Variants in ZNF695 observed in about 807,000 individuals in gnomAD.
The protein encoded by ZNF695 is zinc finger protein SBZF3.
A neutral mutation model predicts 11.2 loss-of-function variants in ZNF695; 11 were observed. That is an observed-to-expected ratio of 0.98 (90% confidence interval 0.62 to 1.62). The LOEUF (loss-of-function observed/expected upper bound fraction) is 1.62. Among genes scored for constraint, ZNF695 ranks in the 40% most tolerant of loss-of-function variants. ZNF695 has a pLI of 0.00. For missense variants in ZNF695, 559 were observed against 590.5 expected, an observed-to-expected ratio of 0.95 and a Z score of 0.55; for synonymous variants, 190 against 201.4, an observed-to-expected ratio of 0.94 and a Z score of 0.48.
intron 4 of ZNF695, among the ~76,000 whole-genome samples, chr1:246,973,619 G>A (rs1264306097): frequency 6.6e-6 from 1 of 152,152 alleles, no homozygotes; most frequent in Non-Finnish European, 1.5e-5. Context: ...ATGAGAGAAG[G>A]ATGATACTCT....
chr1:246,979,550 T>A (rs558277897), intron 4 of ZNF695, among the ~76,000 whole-genome samples: 2 of 152,122 alleles, frequency 1.3e-5, no homozygotes, highest in African/African-American at 4.8e-5. Context: ...GCCTTGAAAA[T>A]TATCTTTTAA....
rs540680025 is a variant in ZNF695, at chr1:246,946,312, CTT to C, written c.489-487_489-486del. Among the ~76,000 whole-genome samples the C allele has an allele frequency of 5.8e-3, 889 of 152,306 alleles. 7 individuals carry two copies. The highest frequency in any genetic ancestry group is 0.017 in the Middle Eastern group (5 of 294). On this transcript the variant is annotated intron_variant, in intron 5 of 5. Coordinates refer to the ZNF695 transcript ENST00000487338. ...AATTTCTCCCTACAACGTGACTGTA[CTT>C]TCATTCTCTTCCAAAGCCTTTGCCT...
chr1:246,998,654 C>A (rs1669274059), intron 3 of ZNF695, among the ~76,000 whole-genome samples: 2 of 152,194 alleles, frequency 1.3e-5, no homozygotes, highest in South Asian at 4.1e-4. Context: ...GTTCCACATG[C>A]AATGCAAAAA....
intron 1 of ZNF695, among the ~76,000 whole-genome samples, chr1:247,005,865 G>C (rs1287610620): frequency 6.6e-6 from 1 of 152,176 alleles, no homozygotes; most frequent in Admixed American, 6.6e-5. Flanking sequence ...ACAGCAGAGT[G>C]TCAAGTGATT....
chr1:246,968,048 A>G (rs1291325459), intron 4 of ZNF695: 1 of 153,352 alleles, frequency 6.5e-6, no homozygotes, highest in Non-Finnish European at 1.5e-5. Flanking sequence ...AAACACAATT[A>G]TGCTTTCCAA....
intron 3 of ZNF695, among the ~76,000 whole-genome samples, chr1:246,992,101 T>C (rs961459629): frequency 6.6e-6 from 1 of 151,862 alleles, no homozygotes. Context: ...GAGGCGGAGC[T>C]TGCAGTGAGC....
At chr1:246,968,897 T>C (rs564126902) in intron 4 of ZNF695, 1 of 152,370 alleles carries the variant, frequency 6.6e-6, no homozygotes, top group South Asian at 2.1e-4. Flanking sequence ...CTGCACAGAA[T>C]AGCAGGGCCC....
downstream of ZNF695, among the ~76,000 whole-genome samples, chr1:246,983,364 A>G (rs1668763792): frequency 6.6e-6 from 1 of 151,856 alleles, no homozygotes; most frequent in Admixed American, 6.6e-5. Context: ...ACAAAACAAT[A>G]AAAAAAATTA....
intron 5 of ZNF695, among the ~76,000 whole-genome samples, chr1:246,950,131 C>T (rs534472150): frequency 2.6e-5 from 4 of 152,206 alleles, no homozygotes; most frequent in East Asian, 3.9e-4. Flanking sequence ...AAAGAGCCTA[C>T]GGATTAAAAG....
At chr1:246,947,446 G>C (rs1347006852) in intron 5 of ZNF695, among the ~76,000 whole-genome samples, 1 of 152,066 alleles carries the variant, frequency 6.6e-6, no homozygotes, top group African/African-American at 2.4e-5. Context: ...CCTCTCAACA[G>C]AGAACAGTCT....
At chr1:247,007,616 A>G (rs1669578561) in intron 1 of ZNF695, among the ~76,000 whole-genome samples, 1 of 151,580 alleles carries the variant, frequency 6.6e-6, no homozygotes, top group Non-Finnish European at 1.5e-5. Flanking sequence ...AGCACAATCC[A>G]GGGAAGACGC....
chr1:246,999,460 G>A lies in ZNF695; in HGVS notation c.167-20C>T. 6.3e-7 allele frequency: 1 copy of A among 1,595,726 alleles called. No individual in the cohort carries two copies. Among genetic ancestry groups the A allele is most frequent in the African/African-American group, 1.3e-5 (1 of 74,648 alleles). On this transcript the variant is annotated intron_variant, in intron 2 of 3. Transcript: ENST00000339986. Reference sequence around the variant, plus strand: ...CAAGACCTGTTTTATTAGAAAAAAGGTGCATGATTCTTGCAGGGATTCTTT... The same window carrying A: ...CAAGACCTGTTTTATTAGAAAAAAGATGCATGATTCTTGCAGGGATTCTTT...
intron 4 of ZNF695, among the ~76,000 whole-genome samples, chr1:246,976,827 T>C (rs918372668): frequency 5.3e-5 from 8 of 151,648 alleles, no homozygotes; most frequent in Non-Finnish European, 8.8e-5. Flanking sequence ...TAACACTGAA[T>C]TTATCCTGAA....
At chr1:246,945,762 T>A in exon 6 of ZNF695, 1 of 1,550,242 alleles carries the variant, frequency 6.5e-7, no homozygotes, top group Non-Finnish European at 8.7e-7. Context: ...GTCCAGGCAC[T>A]GTGTTCAAGC....
chr1:246,986,016 G>A lies in ZNF695; in HGVS notation c.*951C>T. The A allele has an allele frequency of 2.0e-6, 2 of 984,790 alleles. No individual in the cohort carries two copies. Among genetic ancestry groups the A allele is most frequent in the Non-Finnish European group, 2.4e-6 (2 of 829,346 alleles). 61.0% of individuals were successfully genotyped at this position (984,790 alleles called of 1,614,324 possible). ...TAAGACTTGAATTACATAAATATGT[G>A]ATTTTCAAAAAAGCTAAAACTCTTT... On this transcript the variant is annotated 3_prime_UTR_variant, in exon 4 of 4. Transcript: ENST00000339986.
chr1:246,976,601 T>C (rs568769127), intron 4 of ZNF695, among the ~76,000 whole-genome samples: 22 of 151,640 alleles, frequency 1.5e-4, no homozygotes, highest in African/African-American at 2.7e-4. Context: ...GAGACCATCC[T>C]GGCTAACACG....
intron 1 of ZNF695, among the ~76,000 whole-genome samples, chr1:247,001,418 A>T (rs906559127): frequency 6.6e-6 from 1 of 151,826 alleles, no homozygotes; most frequent in African/African-American, 2.4e-5. Flanking sequence ...AAAAAAAGAA[A>T]GAAAGAAAAG....
chr1:246,983,182 T>C (rs937596322), downstream of ZNF695, among the ~76,000 whole-genome samples: 13 of 148,834 alleles, frequency 8.7e-5, no homozygotes, highest in African/African-American at 2.7e-4. Flanking sequence ...CCAGCCTGGG[T>C]GACAGAGCGA....
At chr1:246,947,383 A>G (rs1667766428) in intron 5 of ZNF695, among the ~76,000 whole-genome samples, 1 of 151,960 alleles carries the variant, frequency 6.6e-6, no homozygotes, top group Admixed American at 6.6e-5. Flanking sequence ...ACCACTGTAC[A>G]TGGCTTGTGG....
Sources: allele counts gnomAD v4.1 joint callset (sites outside exome capture counted in the v4.1 genomes callset), GRCh38; gene constraint gnomAD v4.1.1; transcripts MANE v1.5; gene names NCBI Gene and HGNC (gene_info 2026-07-23, HGNC 2026-07-21).